ARHGEF10: variants seen among roughly 807,000 people sequenced by gnomAD.
The protein encoded by ARHGEF10 is Rho guanine nucleotide exchange factor 10.
Under a neutral mutation model 147.4 loss-of-function variants are expected in ARHGEF10, and 140 were observed. The observed-to-expected ratio is 0.95, with a 90% CI of 0.83 to 1.09. ARHGEF10 has a LOEUF of 1.09. Ranked by LOEUF, ARHGEF10 falls within the 50% of genes least tolerant of loss-of-function variation. ARHGEF10 has a pLI of 0.00. For missense variants in ARHGEF10, 2,222 were observed against 1,752.7 expected, an observed-to-expected ratio of 1.27 and a Z score of -4.78; for synonymous variants, 902 against 695.8, an observed-to-expected ratio of 1.30 and a Z score of -4.67.
At chr8:1,931,694 C>T (rs1057415483) in intron 25 of ARHGEF10, among the ~76,000 whole-genome samples, 3 of 152,238 alleles carry the variant, frequency 2.0e-5, no homozygotes, top group East Asian at 1.9e-4. Context: ...GTTGCCAGAG[C>T]TCTGAGCTTT....
At chr8:1,876,239 C>A in intron 7 of ARHGEF10, 1 of 365,452 alleles carries the variant, frequency 2.7e-6, no homozygotes, top group East Asian at 5.8e-5. Context: ...GAAGATTTTT[C>A]TTCTTGTGAA....
At chr8:1,857,422 CTTT>C (rs60823878) in intron 2 of ARHGEF10, among the ~76,000 whole-genome samples, 7 of 137,346 alleles carry the variant, frequency 5.1e-5, no homozygotes, top group Non-Finnish European at 4.8e-5. Context: ...GTTTTCTTTT[CTTT>C]TTTTTTTTTT....
chr8:1,903,245 C>T (rs1276672447), intron 15 of ARHGEF10, 36 bp from the exon 16 acceptor site: 10 of 1,612,778 alleles, frequency 6.2e-6, no homozygotes, highest in East Asian at 4.5e-5. Context: ...GGAGTGTCCA[C>T]GTGGTAACTG....
intron 27 of ARHGEF10, among the ~76,000 whole-genome samples, chr8:1,950,888 T>C (rs898403182): frequency 2.0e-5 from 3 of 152,070 alleles, no homozygotes; most frequent in Non-Finnish European, 4.4e-5. Flanking sequence ...CCTACCCTTT[T>C]TATTAAATGC....
Position 1,833,324 on chromosome 8 carries a change from AGACAGAGACAG to A in ARHGEF10, c.-48+9212_-48+9222del, listed in dbSNP as rs1563150195. On this transcript the variant is annotated intron_variant, in intron 1 of 28. Coordinates refer to ENST00000349830, the MANE Select transcript of ARHGEF10 (RefSeq NM_014629.4). ...CAGAGGCAGAGACAGAAGCAGAGGG[AGACAGAGACAG>A]AGGCAGAGACAGAGGCAGAGAGAGA... 1.5e-3 allele frequency among the ~76,000 whole-genome samples: 215 copies of A among 138,744 alleles called. 5 individuals are homozygous for A. The highest frequency in any genetic ancestry group is 3.8e-3 in the African/African-American group (136 of 36,234). 91.0% of individuals were successfully genotyped at this position (138,744 alleles called of 152,430 possible).
At chr8:1,919,046 TG>T (rs1253998253) in intron 18 of ARHGEF10, among the ~76,000 whole-genome samples, 2 of 147,922 alleles carry the variant, frequency 1.4e-5, no homozygotes, top group African/African-American at 5.1e-5. Flanking sequence ...CTGTGGGTGA[TG>T]GAGCTGTTCT....
Position 1,957,257 on chromosome 8 carries a change from T to G in ARHGEF10, c.4029T>G (p.Asn1343Lys). ...TVMVWQIPLL[N>K]I ...TGGTCTGGCAGATCCCTCTGCTGAA[T>G]ATATAAGCAGGACGGCCGCCTTCTG... Residue 1343 changes from asparagine to lysine, a missense_variant, in exon 29 of 29, where the codon AAT becomes AAG. By Grantham distance (94) the Asn-to-Lys change is moderately conservative. Coordinates refer to ENST00000349830, the MANE Select transcript of ARHGEF10 (RefSeq NM_014629.4). 2 of 1,610,052 alleles carry G rather than the reference T, an allele frequency of 1.2e-6. No individual in the cohort carries two copies. The highest frequency in any genetic ancestry group is 1.7e-6 in the Non-Finnish European group (2 of 1,179,586).
intron 1 of ARHGEF10, among the ~76,000 whole-genome samples, chr8:1,837,856 G>C (rs1803682754): frequency 6.6e-6 from 1 of 152,182 alleles, no homozygotes; most frequent in African/African-American, 2.4e-5. Context: ...TTGAGAAACT[G>C]AGGGATACCA....
In ARHGEF10 at chr8:1,937,742, G is replaced by T. The variant is rs1432039634; in HGVS notation, c.3222+3800G>T. Among the ~76,000 whole-genome samples the T allele has an allele frequency of 6.6e-6, 1 of 152,248 alleles. No homozygotes were observed. The highest frequency in any genetic ancestry group is 1.9e-4 in the East Asian group (1 of 5,188). ...GTCCGCCTTGCTGACAGCGAGGGCA[G>T]CAGCTGCGGGGGGATCCGTCCCGAA... On this transcript the variant is annotated intron_variant, in intron 26 of 28. Coordinates refer to ENST00000349830, the MANE Select transcript of ARHGEF10 (RefSeq NM_014629.4). This position sits in a 1 kb window ranked among gnomAD's most constrained non-coding sequence, Gnocchi z 4.9.
intron 8 of ARHGEF10, 108 bp from the exon 9 acceptor site, chr8:1,879,940 G>T: frequency 3.6e-6 from 3 of 823,754 alleles, no homozygotes; most frequent in Non-Finnish European, 6.5e-6. Flanking sequence ...AGCCAGGACA[G>T]GCCTGATGTG....
In ARHGEF10 at chr8:1,824,120, G is replaced by A. The variant is rs1252102068; in HGVS notation, c.-48+7G>A. On this transcript the variant is annotated splice_region_variant and intron_variant, in intron 1 of 28. Coordinates refer to ENST00000349830, the MANE Select transcript of ARHGEF10 (RefSeq NM_014629.4). ...TCGCGTCCTGGCCGCCGAGGTGAGT[G>A]CGGGCCCCGCGGACCGTGGGTCCCC... The A allele has an allele frequency of 6.6e-6, 1 of 152,166 alleles. No homozygotes were observed. Among genetic ancestry groups the A allele is most frequent in the Non-Finnish European group, 1.5e-5 (1 of 68,084 alleles). The allele number at this position is 152,166 out of a possible 1,614,324, so 9.4% of individuals were successfully genotyped here.
In ARHGEF10 at chr8:1,876,694, G is replaced by A. The variant is rs1277346383; in HGVS notation, c.803G>A (p.Gly268Glu). ...CAGAGTGACTCGGAGTGCAAGAATG[G>A]GATTCCCAGGTCCTTCCTGCGCAGC... ...EEQSDSECKN[G>E]IPRSFLRSNH... The change falls in exon 8 of 29, where the codon GGG (glycine) becomes GAG (glutamate). Residue 268 changes from glycine (G) to glutamate (E), a missense_variant. Gly to Glu is a moderately conservative substitution (Grantham distance 98, BLOSUM62 -2). Transcript: ENST00000349830. The A allele has an allele frequency of 1.2e-6, 2 of 1,614,064 alleles. No individual in the cohort carries two copies. The highest frequency in any genetic ancestry group is 2.2e-5 in the East Asian group (1 of 44,886).
rs1438664978 is a variant in ARHGEF10 at position 1,885,177 on chromosome 8, C to G, written c.1076-424C>G. Among the ~76,000 whole-genome samples the G allele has an allele frequency of 2.0e-5, 3 of 152,294 alleles. No individual in the cohort carries two copies. In the East Asian group the frequency reaches 5.8e-4, roughly 29 times the overall value. On this transcript the variant is annotated intron_variant, in intron 10 of 28. Coordinates refer to ENST00000349830, the MANE Select transcript of ARHGEF10 (RefSeq NM_014629.4). ...TAAGTGCCACCTCAGTTTTCAATGA[C>G]TTTTGACTCACCTCAGTTTTCAATG...
At position 1,898,415 on chromosome 8, in the gene ARHGEF10, C is replaced by G. The variant is rs370904730; in HGVS notation, c.1558-18C>G. 3.7e-6 allele frequency: 6 copies of G among 1,612,764 alleles called. No individual in the cohort carries two copies. Among genetic ancestry groups the G allele is most frequent in the Admixed American group, 1.7e-5 (1 of 59,996 alleles). On this transcript the variant is annotated intron_variant, in intron 14 of 28. Coordinates refer to ENST00000349830, the MANE Select transcript of ARHGEF10 (RefSeq NM_014629.4). ...TGGCAGCCCTGCAGGGAGGTGACCC[C>G]GGTGCCTTCCCCCACAGCAGGAACA...
At position 1,894,590 on chromosome 8, in the gene ARHGEF10, C is replaced by A. The variant is rs758490040; in HGVS notation, c.1440+18C>A. ...TGGCTTCGGTAATTAAGCTGGGACACCTGGATGTCCATGGGGCTCTCCATG... is the reference window on the plus strand; with the variant it reads ...TGGCTTCGGTAATTAAGCTGGGACAACTGGATGTCCATGGGGCTCTCCATG... On this transcript the variant is annotated intron_variant, in intron 13 of 28. Transcript: ENST00000349830. The A allele has an allele frequency of 7.4e-6, 12 of 1,612,194 alleles. No homozygotes were observed. In the Admixed American group the frequency reaches 1.7e-4, roughly 22 times the overall value.
chr8:1,929,786 C>G (rs1316695553), intron 25 of ARHGEF10, among the ~76,000 whole-genome samples: 1 of 152,208 alleles, frequency 6.6e-6, no homozygotes, highest in African/African-American at 2.4e-5. Flanking sequence ...GCCCGCCCGG[C>G]GGGGCCTCCT....
chr8:1,877,822 C>T (rs531415786), intron 8 of ARHGEF10, among the ~76,000 whole-genome samples: 24 of 152,028 alleles, frequency 1.6e-4, no homozygotes, highest in South Asian at 6.3e-4. Context: ...GGAAGCCACA[C>T]GCAGTCCTTG....
Position 1,956,816 on chromosome 8 carries a change from G to C in ARHGEF10, c.3588G>C (p.Leu1196=), listed in dbSNP as rs1815605640. 3 of 1,614,088 alleles carry C rather than the reference G, an allele frequency of 1.9e-6. No homozygotes were observed. Among genetic ancestry groups the C allele is most frequent in the African/African-American group, 2.7e-5 (2 of 75,062 alleles). Residue 1196 remains leucine (L), a synonymous_variant, in exon 29 of 29, where the codon CTG becomes CTC. Transcript: ENST00000349830. ...AATTCATCGTCCTGGCCACGGCTCT[G>C]CACGAGAAAGACAAGGACAAATCCA... ...PVKFIVLATA[L]HEKDKDKSRD...
chr8:1,907,429 G>C (rs1810987318), intron 17 of ARHGEF10, among the ~76,000 whole-genome samples: 1 of 152,182 alleles, frequency 6.6e-6, no homozygotes, highest in Non-Finnish European at 1.5e-5. Context: ...GATCATAGAA[G>C]TGAAATGACC....
Sources: allele counts gnomAD v4.1 joint callset (sites outside exome capture counted in the v4.1 genomes callset), GRCh38; gene constraint gnomAD v4.1.1; non-coding constraint Gnocchi (gnomAD v3.1); transcripts MANE v1.5; gene names NCBI Gene and HGNC (gene_info 2026-07-23, HGNC 2026-07-21).